The following USP37 variants were observed in gnomAD, a reference collection of about 807,000 sequenced individuals.
USP37 encodes the protein ubiquitin specific peptidase 37.
USP37 carries 27 observed loss-of-function variants against 124.0 expected under a neutral mutation model. That is an observed-to-expected ratio of 0.22 (90% CI 0.16 to 0.30). The LOEUF is 0.30. Ranked by LOEUF, USP37 falls within the 10% of genes least tolerant of loss-of-function variation. The pLI, the probability that USP37 is intolerant of heterozygous loss-of-function variation, is 1.00. For synonymous variants in USP37, 365 were observed against 388.0 expected, an observed-to-expected ratio of 0.94 and a Z score of 0.70; for missense variants, 889 against 1,140.4, an observed-to-expected ratio of 0.78 and a Z score of 3.17.
At chr2:218,506,103 A>G (rs903482223) in intron 11 of USP37, among the ~76,000 whole-genome samples, 1 of 151,946 alleles carries the variant, frequency 6.6e-6, no homozygotes, top group Admixed American at 6.5e-5. Context: ...GGCTCAAGAG[A>G]TCTACCCACC....
intron 5 of USP37, among the ~76,000 whole-genome samples, chr2:218,551,212 C>G (rs1692648625): frequency 6.6e-6 from 1 of 152,170 alleles, no homozygotes; most frequent in Admixed American, 6.5e-5. Flanking sequence ...ATGCTTTATG[C>G]TGTTCAAAGT....
intron 10 of USP37, among the ~76,000 whole-genome samples, chr2:218,529,377 A>C (rs906836716): frequency 3.3e-5 from 5 of 151,862 alleles, no homozygotes; most frequent in Admixed American, 6.6e-5. Flanking sequence ...GGCACCTGTA[A>C]TCCCAGCTAT....
chr2:218,543,454 A>G (rs1231437067), intron 8 of USP37, among the ~76,000 whole-genome samples: 2 of 133,766 alleles, frequency 1.5e-5, no homozygotes, highest in Admixed American at 8.6e-5. Flanking sequence ...GTGAGTCGAG[A>G]TGGCACCATT....
intron 10 of USP37, among the ~76,000 whole-genome samples, chr2:218,515,130 A>T (rs911295488): frequency 6.6e-6 from 1 of 152,164 alleles, no homozygotes; most frequent in African/African-American, 2.4e-5. Flanking sequence ...GAATAATGGT[A>T]TTTAAAAATC....
intron 2 of USP37, among the ~76,000 whole-genome samples, chr2:218,562,329 T>G (rs976791636): frequency 1.3e-5 from 2 of 152,160 alleles, no homozygotes; most frequent in Non-Finnish European, 2.9e-5. Flanking sequence ...AGCAAAAAAA[T>G]AAGAAGACAA....
At chr2:218,547,294 A>AT (rs1292913881) in intron 6 of USP37, among the ~76,000 whole-genome samples, 1 of 152,202 alleles carries the variant, frequency 6.6e-6, no homozygotes, top group East Asian at 1.9e-4. Flanking sequence ...GTACCACTGC[A>AT]ATCTAGCCTA....
intron 19 of USP37, among the ~76,000 whole-genome samples, chr2:218,475,926 A>AT (rs2106419707): frequency 5.1e-5 from 1 of 19,424 alleles, no homozygotes; most frequent in Non-Finnish European, 1.0e-4. Flanking sequence ...ACTCCGTCTC[A>AT]AAAAAAAAAA....
chr2:218,553,194 C>T (rs779920730), intron 5 of USP37, among the ~76,000 whole-genome samples: 2 of 152,180 alleles, frequency 1.3e-5, no homozygotes, highest in African/African-American at 4.8e-5. Context: ...GTTTTTCACC[C>T]CTAAGTACGA....
chr2:218,494,034 T>C (rs1031386850), intron 14 of USP37, among the ~76,000 whole-genome samples: 3 of 152,248 alleles, frequency 2.0e-5, no homozygotes, highest in African/African-American at 7.2e-5. Context: ...TTAACTGCTG[T>C]TGGACTCTCC....
At chr2:218,456,726 T>C (rs1466095270) in intron 24 of USP37, among the ~76,000 whole-genome samples, 1 of 152,138 alleles carries the variant, frequency 6.6e-6, no homozygotes, top group South Asian at 2.1e-4. Flanking sequence ...TCCCAGCACT[T>C]TGGGAGGCCA....
chr2:218,520,388 T>G (rs1164374131), intron 10 of USP37, among the ~76,000 whole-genome samples: 4 of 151,144 alleles, frequency 2.6e-5, no homozygotes, highest in Non-Finnish European at 5.9e-5. Flanking sequence ...TTGTTCTTGT[T>G]GCCCAGGCTG....
intron 2 of USP37, among the ~76,000 whole-genome samples, chr2:218,561,328 A>G (rs1693299367): frequency 6.6e-6 from 1 of 152,180 alleles, no homozygotes; most frequent in Non-Finnish European, 1.5e-5. Flanking sequence ...TATTGGTATT[A>G]GATTAGAGAT....
chr2:218,510,823 T>C lies in USP37; in HGVS notation c.864-683A>G, dbSNP rs149780309. On this transcript the variant is annotated intron_variant, in intron 10 of 25. Transcript: ENST00000258399. ...GCTTGGGCAACCTGGCGAAACTCCATCTCTATCAAAAATGCAAGAAAATTA... is the reference window on the plus strand; with the variant it reads ...GCTTGGGCAACCTGGCGAAACTCCACCTCTATCAAAAATGCAAGAAAATTA... 7.4e-3 allele frequency among the ~76,000 whole-genome samples: 1,121 copies of C among 152,182 alleles called. 6 individuals are homozygous for C. Among genetic ancestry groups the C allele is most frequent in the Non-Finnish European group, 0.01 (691 of 67,990 alleles).
rs2106400131 is a variant in USP37 at position 218,451,403 on chromosome 2, C to A, written c.*3527G>T. On this transcript the variant is annotated 3_prime_UTR_variant, in exon 26 of 26. Transcript: ENST00000258399. ...GGGTCAATTAAATTAAAAAGGCCCT[C>A]CAACCACCCTAAATGGGATAACTAA... 6.6e-6 allele frequency: 1 copy of A among 152,280 alleles called. No individual in the cohort carries two copies. Among genetic ancestry groups the A allele is most frequent in the East Asian group, 1.9e-4 (1 of 5,192 alleles). The allele number at this position is 152,280 out of a possible 1,614,324, so 9.4% of individuals were successfully genotyped here. A position where few individuals can be genotyped will look rare whatever the true frequency, so the allele number is the denominator to read the frequency against.
chr2:218,530,991 T>A (rs79291534), intron 9 of USP37, among the ~76,000 whole-genome samples: 7,458 of 152,148 alleles, frequency 0.049, 525 homozygotes, highest in African/African-American at 0.16. Flanking sequence ...AAAGAAGCCA[T>A]CTCCATAATA....
intron 21 of USP37, 144 bp downstream of exon 21, chr2:218,465,866 C>T: frequency 9.0e-7 from 1 of 1,107,044 alleles, no homozygotes; most frequent in Non-Finnish European, 1.2e-6. Context: ...TCAAACAAGT[C>T]TTTTTTTTCC....
intron 16 of USP37, among the ~76,000 whole-genome samples, chr2:218,484,615 CTG>C (rs1343150737): frequency 1.4e-5 from 2 of 146,758 alleles, no homozygotes; most frequent in African/African-American, 2.6e-5. Flanking sequence ...GAGCAAGACT[CTG>C]TATCAAAACA....
chr2:218,516,804 A>G (rs1164146182), intron 10 of USP37, among the ~76,000 whole-genome samples: 1 of 152,196 alleles, frequency 6.6e-6, no homozygotes, highest in African/African-American at 2.4e-5. Flanking sequence ...TGAGCTAGGA[A>G]ATGTATGTAC....
In USP37 at chr2:218,547,020, A is replaced by T; in HGVS notation, c.501T>A (p.Gly167=). ...CTGCTACAGTCTTAATCGATCCTCT[A>T]CCCGGATTACCAAGAACTTTTCGAA... is the stretch of plus-strand genomic sequence containing the variant. ...IPFRKVLGNP[G]RGSIKTVAGS... is the part of the protein sequence containing the mutation. The change falls in exon 7 of 26, where the codon GGT becomes GGA. Residue 167 remains glycine (G), a synonymous_variant. Coordinates refer to ENST00000258399, the MANE Select transcript of USP37 (RefSeq NM_020935.3). 6.2e-7 allele frequency: 1 copy of T among 1,612,734 alleles called. No homozygotes were observed. The highest frequency in any genetic ancestry group is 8.5e-7 in the Non-Finnish European group (1 of 1,179,718).
Sources: allele counts gnomAD v4.1 joint callset (sites outside exome capture counted in the v4.1 genomes callset), GRCh38; gene constraint gnomAD v4.1.1; transcripts MANE v1.5; gene names NCBI Gene and HGNC (gene_info 2026-07-23, HGNC 2026-07-21).